Variants in PRKCE observed in about 807,000 individuals in gnomAD.
The protein encoded by PRKCE is protein kinase C epsilon type.
PRKCE carries 16 observed loss-of-function variants against 85.4 expected under a neutral mutation model. The observed-to-expected ratio is 0.19, with a 90% confidence interval of 0.13 to 0.28. PRKCE has a LOEUF of 0.28. Ranked by LOEUF, PRKCE falls within the 10% of genes least tolerant of loss-of-function variation. The pLI is 1.00. For synonymous variants in PRKCE, 388 were observed against 371.5 expected (o/e 1.04, Z -0.51); for missense variants, 573 against 975.2 (o/e 0.59, Z 5.49).
chr2:46,062,668 CTTTTTTTTTTTTTTT>C (rs71394871), intron 10 of PRKCE, among the ~76,000 whole-genome samples: 3 of 73,294 alleles, frequency 4.1e-5, no homozygotes, highest in African/African-American at 6.0e-5. Flanking sequence ...AAAGCTCAGC[CTTTTTTTTTTTTTTT>C]TTTTTTTTTT....
At position 45,660,006 on chromosome 2, in the gene PRKCE, G is replaced by A. The variant is rs534159797; in HGVS notation, c.348+7558G>A. 1.2e-4 allele frequency among the ~76,000 whole-genome samples: 18 copies of A among 152,280 alleles called. No homozygotes were observed. The East Asian group carries it at 2.1e-3, about 18-fold the overall frequency. On this transcript the variant is annotated intron_variant, in intron 1 of 14. Transcript: ENST00000306156. ...CCAAAACAGTGCCTGGCACTTTGTT[G>A]AATGAATGAATAAATTGTTGAATGA...
intron 10 of PRKCE, among the ~76,000 whole-genome samples, chr2:46,040,793 A>G (rs1708172401): frequency 6.6e-6 from 1 of 152,234 alleles, no homozygotes; most frequent in Admixed American, 6.5e-5. Flanking sequence ...AGGCAGTGCT[A>G]AAGACTTACT....
intron 10 of PRKCE, among the ~76,000 whole-genome samples, chr2:46,069,281 A>C (rs541290758): frequency 6.6e-6 from 1 of 152,214 alleles, no homozygotes; most frequent in Non-Finnish European, 1.5e-5. Flanking sequence ...ATTGCCAGTC[A>C]CTAACTATTG....
At chr2:45,850,783 T>G (rs886197286) in intron 2 of PRKCE, among the ~76,000 whole-genome samples, 15 of 152,190 alleles carry the variant, frequency 9.9e-5, no homozygotes, top group African/African-American at 3.4e-4. Flanking sequence ...GGGGTGTACA[T>G]GTGCCCAAGT....
At chr2:46,157,324 C>A (rs1038337183) in intron 13 of PRKCE, among the ~76,000 whole-genome samples, 2 of 152,198 alleles carry the variant, frequency 1.3e-5, no homozygotes, top group African/African-American at 4.8e-5. Context: ...CCCTGTGAGT[C>A]CCCTGCCAGC....
intron 11 of PRKCE, among the ~76,000 whole-genome samples, chr2:46,114,149 G>A (rs755006128): frequency 2.0e-5 from 3 of 152,070 alleles, no homozygotes; most frequent in Non-Finnish European, 2.9e-5. Flanking sequence ...AGAACCCTGC[G>A]GTTCTTGGCT....
intron 10 of PRKCE, among the ~76,000 whole-genome samples, chr2:46,040,119 C>T (rs934237040): frequency 6.6e-6 from 1 of 152,190 alleles, no homozygotes; most frequent in Non-Finnish European, 1.5e-5. Flanking sequence ...CTGTTTGCCT[C>T]TCTGAATACA....
chr2:46,028,539 C>G (rs965790575), intron 10 of PRKCE, among the ~76,000 whole-genome samples: 1 of 152,200 alleles, frequency 6.6e-6, no homozygotes, highest in Non-Finnish European at 1.5e-5. Context: ...ATAGCACTCA[C>G]TGTGCTGCCC....
At chr2:45,912,931 G>A (rs1488817762) in intron 2 of PRKCE, among the ~76,000 whole-genome samples, 1 of 152,138 alleles carries the variant, frequency 6.6e-6, no homozygotes, top group Non-Finnish European at 1.5e-5. Flanking sequence ...ACCTTATGGG[G>A]CCATTCTGAG....
At chr2:46,072,226 C>T (rs1401065230) in intron 10 of PRKCE, among the ~76,000 whole-genome samples, 3 of 152,184 alleles carry the variant, frequency 2.0e-5, no homozygotes, top group African/African-American at 7.2e-5. Flanking sequence ...CTTCAGCCAC[C>T]AGCTGTGCCA....
At chr2:45,783,522 C>T (rs2105023409) in intron 1 of PRKCE, among the ~76,000 whole-genome samples, 1 of 152,320 alleles carries the variant, frequency 6.6e-6, no homozygotes, top group East Asian at 1.9e-4. Flanking sequence ...CATTTCCCTC[C>T]TTGGGAATCT....
At chr2:45,968,284 C>A (rs6735240) in intron 2 of PRKCE, among the ~76,000 whole-genome samples, 123,646 of 152,180 alleles carry the variant, frequency 0.81, 50,808 homozygotes, top group East Asian at 0.97. Flanking sequence ...AATACTACTC[C>A]GCCATAATAA....
chr2:45,889,642 T>C (rs545672386), intron 2 of PRKCE, among the ~76,000 whole-genome samples: 22 of 152,274 alleles, frequency 1.4e-4, no homozygotes, highest in Admixed American at 5.9e-4. Flanking sequence ...TGTGTTCCCA[T>C]AGGAAGTCAG....
intron 1 of PRKCE, among the ~76,000 whole-genome samples, chr2:45,781,539 C>A (rs942482460): frequency 1.3e-5 from 2 of 152,178 alleles, no homozygotes; most frequent in Non-Finnish European, 2.9e-5. Context: ...GTCAGAGGGG[C>A]TGTTCTGCAT....
At chr2:45,678,849 A>C (rs1302416651) in intron 1 of PRKCE, among the ~76,000 whole-genome samples, 1 of 152,170 alleles carries the variant, frequency 6.6e-6, no homozygotes, top group Non-Finnish European at 1.5e-5. Context: ...ATACATACTC[A>C]TTTTGTTTGT....
intron 8 of PRKCE, among the ~76,000 whole-genome samples, chr2:46,005,854 C>A (rs890156071): frequency 6.6e-6 from 1 of 152,222 alleles, no homozygotes; most frequent in African/African-American, 2.4e-5. Flanking sequence ...TACTCTGGGG[C>A]TGCAGAACTT....
chr2:45,721,532 G>T (rs1680617527), intron 1 of PRKCE, among the ~76,000 whole-genome samples: 1 of 152,080 alleles, frequency 6.6e-6, no homozygotes, highest in Non-Finnish European at 1.5e-5. Flanking sequence ...GATAGATAGG[G>T]TCTGAGGGAC....
chr2:46,044,967 A>G (rs1319942485), intron 10 of PRKCE, among the ~76,000 whole-genome samples: 2 of 152,252 alleles, frequency 1.3e-5, no homozygotes, highest in Non-Finnish European at 2.9e-5. Context: ...TGTATAGTAT[A>G]TGTTCTCATA....
At chr2:46,035,773 T>A (rs960447901) in intron 10 of PRKCE, among the ~76,000 whole-genome samples, 2 of 152,224 alleles carry the variant, frequency 1.3e-5, no homozygotes, top group Non-Finnish European at 2.9e-5. Context: ...GGCAAACAAG[T>A]TATAACAGAT....
Sources: allele counts gnomAD v4.1 joint callset (sites outside exome capture counted in the v4.1 genomes callset), GRCh38; gene constraint gnomAD v4.1.1; transcripts MANE v1.5; gene names NCBI Gene and HGNC (gene_info 2026-07-23, HGNC 2026-07-21).